ASTN2: variants seen among roughly 807,000 people sequenced by gnomAD.
ASTN2 encodes astrotactin 2, also known as astrotactin-2.
Under a neutral mutation model 139.8 loss-of-function variants are expected in ASTN2, and 54 were observed. The observed-to-expected ratio is 0.39, with a 90% CI of 0.31 to 0.48. The LOEUF (loss-of-function observed/expected upper bound fraction) is 0.48. Among genes scored for constraint, ASTN2 ranks in the 20% least tolerant of loss-of-function variants. ASTN2 has a pLI of 0.95. For synonymous variants in ASTN2, 756 were observed against 719.5 expected (o/e 1.05, Z -0.81); for missense variants, 1,565 against 1,725.1 (o/e 0.91, Z 1.64).
At chr9:117,388,861 T>C (rs898611656) in intron 1 of ASTN2, among the ~76,000 whole-genome samples, 37 of 152,352 alleles carry the variant, frequency 2.4e-4, no homozygotes, top group African/African-American at 8.7e-4. Flanking sequence ...TCACAGGCTA[T>C]CTTGCCCTTG....
chr9:116,439,194 ATTTTTTTTT>A lies in ASTN2; in HGVS notation c.3782+1406_3782+1414del, dbSNP rs1016270368. 2.6e-4 allele frequency among the ~76,000 whole-genome samples: 15 copies of A among 56,728 alleles called. 1 individual carries two copies. The South Asian group carries it at 8.9e-3, about 34-fold the overall frequency. The allele number at this position is 56,728 out of a possible 152,430, so 37.2% of individuals were successfully genotyped here. A position where few individuals can be genotyped will look rare whatever the true frequency, so the allele number is the denominator to read the frequency against. On this transcript the variant is annotated intron_variant, in intron 22 of 22. Coordinates refer to ENST00000313400, the MANE Select transcript of ASTN2 (RefSeq NM_001365068.1). ...GATGTTGTGTTTTCTATTCAAATAC[ATTTTTTTTT>A]TTTTTTTTTTTTTTTGAGACGGAGT...
intron 10 of ASTN2, among the ~76,000 whole-genome samples, chr9:116,934,839 TC>T (rs1455435827): frequency 2.0e-5 from 3 of 152,160 alleles, no homozygotes; most frequent in African/African-American, 7.2e-5. Flanking sequence ...TGATGGTTGT[TC>T]CGTGATTTTC....
At chr9:116,827,131 G>C (rs1564288855) in intron 11 of ASTN2, among the ~76,000 whole-genome samples, 2 of 151,884 alleles carry the variant, frequency 1.3e-5, no homozygotes, top group East Asian at 3.9e-4. Flanking sequence ...GCAACATGGA[G>C]AAAACCCGTC....
intron 5 of ASTN2, among the ~76,000 whole-genome samples, chr9:117,089,534 T>A (rs992334102): frequency 5.9e-5 from 9 of 152,148 alleles, no homozygotes; most frequent in Non-Finnish European, 1.2e-4. Context: ...CATTCTTTAT[T>A]ATTTTTTTTC....
At chr9:116,709,263 C>T (rs1828076419) in intron 16 of ASTN2, among the ~76,000 whole-genome samples, 1 of 152,212 alleles carries the variant, frequency 6.6e-6, no homozygotes, top group African/African-American at 2.4e-5. Flanking sequence ...TTGCTAAATA[C>T]CATGGTGCTG....
intron 5 of ASTN2, among the ~76,000 whole-genome samples, chr9:117,094,971 T>C (rs1446102700): frequency 6.6e-6 from 1 of 152,194 alleles, no homozygotes. Context: ...TTTTGCAGTG[T>C]CCACTGTGCA....
intron 3 of ASTN2, chr9:117,181,002 C>A: frequency 4.4e-6 from 7 of 1,596,032 alleles, no homozygotes; most frequent in Non-Finnish European, 5.9e-6. Flanking sequence ...AGGCACCTCG[C>A]ATGCCTGTTT....
chr9:117,387,150 A>C (rs1193435644), intron 1 of ASTN2, among the ~76,000 whole-genome samples: 1 of 152,192 alleles, frequency 6.6e-6, no homozygotes, highest in African/African-American at 2.4e-5. Flanking sequence ...TCAGAGATTC[A>C]TCCCCAGCTT....
Position 116,847,042 on chromosome 9 carries a change from AAAAAAC to A in ASTN2, c.2040+16535_2040+16540del, listed in dbSNP as rs1454406042. Among the ~76,000 whole-genome samples, 821 of 151,192 alleles carry A rather than the reference AAAAAAC, an allele frequency of 5.4e-3. 7 individuals carry two copies. Among genetic ancestry groups the A allele is most frequent in the African/African-American group, 0.019 (768 of 41,078 alleles). ...AAAAAAAAAACAAAAAACAAAAAAC[AAAAAAC>A]AAAAAAAAACATATATTCTAATGGG... On this transcript the variant is annotated intron_variant, in intron 11 of 22. Transcript: ENST00000313400.
intron 17 of ASTN2, among the ~76,000 whole-genome samples, chr9:116,644,103 T>C (rs529931458): frequency 6.6e-6 from 1 of 152,096 alleles, no homozygotes; most frequent in South Asian, 2.1e-4. Context: ...GTGGTGGCGG[T>C]AGTGGTCATG....
At chr9:116,906,219 G>A (rs10513278) in intron 10 of ASTN2, among the ~76,000 whole-genome samples, 40,196 of 151,896 alleles carry the variant, frequency 0.26, 5,459 homozygotes, top group African/African-American at 0.31. Flanking sequence ...TAAGTGATAA[G>A]GATCAAAAAG....
intron 10 of ASTN2, among the ~76,000 whole-genome samples, chr9:116,909,382 T>C (rs1834253246): frequency 6.6e-6 from 1 of 152,218 alleles, no homozygotes; most frequent in Non-Finnish European, 1.5e-5. Context: ...GGTTTGACTA[T>C]GGGTGTGAGA....
chr9:116,947,310 T>A (rs887187122), intron 10 of ASTN2, among the ~76,000 whole-genome samples: 21 of 152,234 alleles, frequency 1.4e-4, no homozygotes, highest in African/African-American at 4.6e-4. Flanking sequence ...ATAATGAATG[T>A]GAACGTCTCA....
At chr9:116,625,974 T>C (rs1856431957) in intron 17 of ASTN2, among the ~76,000 whole-genome samples, 2 of 151,946 alleles carry the variant, frequency 1.3e-5, no homozygotes, top group Non-Finnish European at 2.9e-5. Flanking sequence ...GGCAAGGTCA[T>C]AAATTTGTGT....
chr9:116,724,599 T>G (rs1407171651), intron 16 of ASTN2, among the ~76,000 whole-genome samples: 1 of 152,224 alleles, frequency 6.6e-6, no homozygotes, highest in Admixed American at 6.5e-5. Context: ...TCTTCTCCCC[T>G]ATAGACTTAG....
chr9:117,158,999 G>A (rs1830489052), intron 3 of ASTN2, among the ~76,000 whole-genome samples: 1 of 151,866 alleles, frequency 6.6e-6, no homozygotes, highest in Admixed American at 6.6e-5. Context: ...CCTCTCTCCA[G>A]TCACAGTCCT....
chr9:117,136,492 T>C (rs530252118), intron 4 of ASTN2, among the ~76,000 whole-genome samples: 1 of 152,332 alleles, frequency 6.6e-6, no homozygotes, highest in South Asian at 2.1e-4. Context: ...TTCATTTTCA[T>C]ATGCCTTTAA....
intron 2 of ASTN2, among the ~76,000 whole-genome samples, chr9:117,243,783 G>T (rs1446712352): frequency 6.6e-6 from 1 of 152,114 alleles, no homozygotes; most frequent in East Asian, 1.9e-4. Flanking sequence ...GCCTTGGGAA[G>T]GATAATAAAG....
At chr9:116,515,560 T>C (rs1850610733) in intron 19 of ASTN2, among the ~76,000 whole-genome samples, 1 of 152,200 alleles carries the variant, frequency 6.6e-6, no homozygotes, top group South Asian at 2.1e-4. Flanking sequence ...AGGGCATTAC[T>C]GAGACTCAGA....
Sources: allele counts gnomAD v4.1 joint callset (sites outside exome capture counted in the v4.1 genomes callset), GRCh38; gene constraint gnomAD v4.1.1; transcripts MANE v1.5; gene names NCBI Gene and HGNC (gene_info 2026-07-23, HGNC 2026-07-21).